Variants in SLC12A3 observed in about 807,000 individuals in gnomAD.
The protein encoded by SLC12A3 is Na-Cl cotransporter.
SLC12A3 carries 104 observed loss-of-function variants against 121.0 expected under a neutral mutation model. The ratio of observed to expected loss-of-function variants is 0.86; its 90% CI spans 0.73 to 1.01. The LOEUF (loss-of-function observed/expected upper bound fraction) is 1.01, where lower values mean the gene tolerates loss of function less well. Among genes scored for constraint, SLC12A3 ranks in the 50% least tolerant of loss-of-function variants. SLC12A3 has a pLI of 0.00. For missense variants in SLC12A3, 1,328 were observed against 1,356.3 expected, an observed-to-expected ratio of 0.98 and a Z score of 0.33; for synonymous variants, 536 against 533.4, an observed-to-expected ratio of 1.00 and a Z score of -0.07.
rs1425346681 is a variant in SLC12A3 at position 56,886,989 on chromosome 16, A to G, written c.2074A>G (p.Ile692Val). 1.2e-6 allele frequency: 2 copies of G among 1,613,722 alleles called. No homozygotes were observed. The highest frequency in any genetic ancestry group is 2.7e-5 in the African/African-American group (2 of 74,898). The change falls in exon 17 of 26, where the codon ATC (isoleucine) becomes GTC (valine). Residue 692 changes from isoleucine (I) to valine (V), a missense_variant. Coordinates refer to ENST00000563236, the MANE Select transcript of SLC12A3 (RefSeq NM_001126108.2). ...HKQRMPELQL[I>V]ANGHTKWLNK... ...GCAGAGGATGCCTGAGCTCCAGCTC[A>G]TCGCCAACGGGCACACCAAGTGGCT...
At chr16:56,896,484 C>T (rs2055463549) in intron 22 of SLC12A3, among the ~76,000 whole-genome samples, 1 of 152,290 alleles carries the variant, frequency 6.6e-6, no homozygotes, top group Non-Finnish European at 1.5e-5. Flanking sequence ...GTGGCTCTGC[C>T]TATAGATCTT....
At chr16:56,902,560 G>C in intron 24 of SLC12A3, 52 bp downstream of exon 24, 1 of 1,604,236 alleles carries the variant, frequency 6.2e-7, no homozygotes, top group Non-Finnish European at 8.5e-7. Flanking sequence ...GGTCAGGGAC[G>C]GGTGTCCTGC....
intron 12 of SLC12A3, among the ~76,000 whole-genome samples, chr16:56,881,399 AT>A (rs1194486346): frequency 1.3e-5 from 2 of 150,844 alleles, no homozygotes; most frequent in Non-Finnish European, 2.9e-5. Context: ...CCAGAAACAC[AT>A]TTCCCTGCAA....
At chr16:56,902,138 T>C in intron 23 of SLC12A3, 1 of 559,394 alleles carries the variant, frequency 1.8e-6, no homozygotes, top group South Asian at 1.9e-5. Flanking sequence ...TGCTGGATGG[T>C]CGGGTGGGTC....
rs12597036 is a variant in SLC12A3 at position 56,898,420 on chromosome 16, G to A, written c.2634-1110G>A. On this transcript the variant is annotated intron_variant, in intron 22 of 25. Coordinates refer to ENST00000563236, the MANE Select transcript of SLC12A3 (RefSeq NM_001126108.2). Reference sequence around the variant, plus strand: ...ACTACAGGCACCTGCTACCACGGCCGGCTAATTTTTTGTATTTTTAGTGGA... The same window carrying A: ...ACTACAGGCACCTGCTACCACGGCCAGCTAATTTTTTGTATTTTTAGTGGA... Among the ~76,000 whole-genome samples, 22 of 152,154 alleles carry A rather than the reference G, an allele frequency of 1.4e-4. No homozygotes were observed. The East Asian group carries it at 2.9e-3, about 20-fold the overall frequency.
intron 24 of SLC12A3, 98 bp from the exon 25 acceptor site, chr16:56,904,297 T>C: frequency 9.0e-7 from 1 of 1,111,196 alleles, no homozygotes. Flanking sequence ...AAGTAAATCA[T>C]GAATCCAGTT....
Position 56,902,383 on chromosome 16 carries a change from T to G in SLC12A3, c.2731T>G (p.Phe911Val). 1.9e-6 allele frequency: 3 copies of G among 1,613,824 alleles called. No homozygotes were observed. Among genetic ancestry groups the G allele is most frequent in the Non-Finnish European group, 2.5e-6 (3 of 1,179,938 alleles). ...QNPRAEHTKRFEDMIAPFRLN... is the reference protein window; with the variant it reads ...QNPRAEHTKRVEDMIAPFRLN... ...CTTTCTCGTCCCCAGCACCAAGAGG[T>G]TTGAGGACATGATTGCACCCTTCCG... Residue 911 changes from phenylalanine (F) to valine (V), a missense_variant, in exon 24 of 26, where the codon TTT becomes GTT. Transcript: ENST00000563236.
intron 6 of SLC12A3, among the ~76,000 whole-genome samples, chr16:56,871,781 G>A (rs2144693494): frequency 2.0e-5 from 3 of 152,244 alleles, no homozygotes; most frequent in Middle Eastern, 6.8e-3. Context: ...GGGGTGCAGA[G>A]GCGTGATCTC....
intron 1 of SLC12A3, among the ~76,000 whole-genome samples, chr16:56,866,565 A>G (rs1964361166): frequency 6.6e-6 from 1 of 152,186 alleles, no homozygotes; most frequent in South Asian, 2.1e-4. Context: ...GTCGCCCATT[A>G]CAAGGCTAGG....
intron 19 of SLC12A3, among the ~76,000 whole-genome samples, chr16:56,890,795 G>T (rs1452325910): frequency 6.6e-6 from 1 of 152,018 alleles, no homozygotes; most frequent in Non-Finnish European, 1.5e-5. Context: ...CCAGCTACTT[G>T]GGAGGCTGAG....
chr16:56,890,086 C>A (rs2055367786), intron 18 of SLC12A3, among the ~76,000 whole-genome samples, 188 bp from the exon 19 acceptor site: 1 of 152,186 alleles, frequency 6.6e-6, no homozygotes. Context: ...GACTGTAGAG[C>A]TGGAGGAGTC....
intron 17 of SLC12A3, 30 bp from the exon 18 acceptor site, chr16:56,887,895 G>A: frequency 6.4e-7 from 1 of 1,571,848 alleles, no homozygotes; most frequent in Non-Finnish European, 8.7e-7. Flanking sequence ...CCTCTGATGG[G>A]TTCCCCATCT....
At chr16:56,890,395 A>T in intron 19 of SLC12A3, 39 bp downstream of exon 19, 3 of 1,575,256 alleles carry the variant, frequency 1.9e-6, no homozygotes, top group Non-Finnish European at 2.6e-6. Flanking sequence ...AAGTTCTAGA[A>T]CACATTTTTT....
chr16:56,869,021 G>A (rs1186087407), intron 3 of SLC12A3, among the ~76,000 whole-genome samples: 1 of 151,976 alleles, frequency 6.6e-6, no homozygotes. Context: ...GACAGAACAG[G>A]ACTCAGATGC....
chr16:56,867,482 A>G (rs1210355940), intron 2 of SLC12A3, among the ~76,000 whole-genome samples: 2 of 152,216 alleles, frequency 1.3e-5, no homozygotes, highest in African/African-American at 2.4e-5. Context: ...CCATGAAGGG[A>G]AGGAAAAGGT....
At chr16:56,878,034 C>CCCTCCCTT (rs2055186773) in intron 8 of SLC12A3, 43 bp from the exon 9 acceptor site, 1 of 613,156 alleles carries the variant, frequency 1.6e-6, no homozygotes, top group Admixed American at 2.2e-5. Context: ...CTCCCTCCCT[C>CCCTCCCTT]TCTCCCTCCC....
chr16:56,886,297 C>T, intron 15 of SLC12A3, 67 bp from the exon 16 acceptor site: 3 of 1,186,518 alleles, frequency 2.5e-6, no homozygotes, highest in Non-Finnish European at 3.8e-6. Flanking sequence ...CTGGGAGGTG[C>T]CTTTCGCACC....
chr16:56,875,950 G>T (rs1596901190), intron 8 of SLC12A3, among the ~76,000 whole-genome samples: 1 of 151,906 alleles, frequency 6.6e-6, no homozygotes, highest in East Asian at 2.0e-4. Flanking sequence ...CTGATGGCTG[G>T]TGTATTTGTG....
At position 56,867,217 on chromosome 16, in the gene SLC12A3, G is replaced by C; in HGVS notation, c.429+1G>C. 6.2e-7 allele frequency: 1 copy of C among 1,606,702 alleles called. No individual in the cohort carries two copies. Among genetic ancestry groups the C allele is most frequent in the Non-Finnish European group, 8.5e-7 (1 of 1,177,240 alleles). On this transcript the variant is annotated splice_donor_variant, in intron 2 of 25. Coordinates refer to ENST00000563236, the MANE Select transcript of SLC12A3 (RefSeq NM_001126108.2). LOFTEE classifies it high-confidence loss of function. ...CTTCGGCTGGGTCAAGGGGGTGATG[G>C]TGAGTGGGGTGTGGGTGGTGCGTGA...
Sources: allele counts gnomAD v4.1 joint callset (sites outside exome capture counted in the v4.1 genomes callset), GRCh38; gene constraint gnomAD v4.1.1; transcripts MANE v1.5; gene names NCBI Gene and HGNC (gene_info 2026-07-23, HGNC 2026-07-21).